Variants in GSDME observed in about 807,000 individuals in gnomAD.
The protein encoded by GSDME is gasdermin-E.
GSDME carries 44 observed loss-of-function variants against 47.5 expected under a neutral mutation model. The observed-to-expected ratio is 0.93, with a 90% CI of 0.73 to 1.19. The LOEUF is 1.19. Among genes scored for constraint, GSDME ranks in the 50% most tolerant of loss-of-function variants. The pLI is 0.00. For missense variants in GSDME, 663 were observed against 604.2 expected (o/e 1.10, Z -1.02); for synonymous variants, 258 against 252.8 (o/e 1.02, Z -0.20).
intron 3 of GSDME, among the ~76,000 whole-genome samples, chr7:24,740,162 A>T (rs973952030): frequency 6.6e-6 from 1 of 152,096 alleles, no homozygotes; most frequent in Non-Finnish European, 1.5e-5. Context: ...ATTATGTTAA[A>T]CAAAATAAAC....
Position 24,719,906 on chromosome 7 carries a change from G to C in GSDME, c.405-688C>G, listed in dbSNP as rs142234602. ...TAATCAGAGCTGAAGGATGTCAGACGTCACAGCCATGGCCCAGGGAATACA... is the reference window on the plus strand; with the variant it reads ...TAATCAGAGCTGAAGGATGTCAGACCTCACAGCCATGGCCCAGGGAATACA... On this transcript the variant is annotated intron_variant, in intron 3 of 9. Coordinates refer to ENST00000645220, the MANE Select transcript of GSDME (RefSeq NM_001127453.2). 4.5e-3 allele frequency among the ~76,000 whole-genome samples: 687 copies of C among 152,270 alleles called. 4 individuals are homozygous for C. Among genetic ancestry groups the C allele is most frequent in the African/African-American group, 0.016 (656 of 41,530 alleles).
At position 24,756,266 on chromosome 7, in the gene GSDME, T is replaced by C. The variant is rs1264910965; in HGVS notation, c.-20+1130A>G. Among the ~76,000 whole-genome samples, 1 of 152,032 alleles carries C rather than the reference T, an allele frequency of 6.6e-6. No individual in the cohort carries two copies. ...ACCTGCGGTCTCAGCTACGGGTGTA[T>C]GGGAGGATCCCTTGAGCCCAGGAAT... On this transcript the variant is annotated intron_variant, in intron 1 of 9. Transcript: ENST00000645220. This position sits in a 1 kb window ranked among gnomAD's most constrained non-coding sequence, Gnocchi z 4.2.
intron 8 of GSDME, chr7:24,703,364 G>A (rs929355658): frequency 1.1e-5 from 2 of 186,784 alleles, no homozygotes; most frequent in African/African-American, 4.7e-5. Flanking sequence ...GTGGCCTGAG[G>A]CCAGGAGCAG....
rs369607716 is a variant in GSDME, at chr7:24,751,051, C to T, written c.-19-1258G>A. On this transcript the variant is annotated intron_variant, in intron 1 of 9. Coordinates refer to ENST00000645220, the MANE Select transcript of GSDME (RefSeq NM_001127453.2). ...AAAAATAGAGAAATATTTGTACAATCGCAGGATGAGAAGGGCCTTTAGAAA... is the reference window on the plus strand; with the variant it reads ...AAAAATAGAGAAATATTTGTACAATTGCAGGATGAGAAGGGCCTTTAGAAA... 4.6e-5 allele frequency among the ~76,000 whole-genome samples: 7 copies of T among 152,048 alleles called. No homozygotes were observed. In the South Asian group the frequency reaches 1.2e-3, roughly 27 times the overall value.
chr7:24,771,447 A>C, the GSDME span, among the ~76,000 whole-genome samples: 3 of 152,208 alleles, frequency 2.0e-5, no homozygotes, highest in Non-Finnish European at 2.9e-5. This position sits in a 1 kb window ranked among gnomAD's most constrained non-coding sequence, Gnocchi z 4.1. Flanking sequence ...AAGAGAGAAA[A>C]TTCACTCAAC....
At chr7:24,707,987 G>A (rs953598458) in intron 7 of GSDME, 140 bp downstream of exon 7, 14 of 1,058,840 alleles carry the variant, frequency 1.3e-5, no homozygotes, top group African/African-American at 7.9e-5. Flanking sequence ...CTTAGAAAAC[G>A]CAGGACCCAA....
At chr7:24,713,880 C>G (rs1340763617) in intron 5 of GSDME, among the ~76,000 whole-genome samples, 1 of 152,132 alleles carries the variant, frequency 6.6e-6, no homozygotes, top group Non-Finnish European at 1.5e-5. Flanking sequence ...CTGCTTGAGC[C>G]CAGAGTTCAA....
chr7:24,699,049 C>G lies in GSDME; in HGVS notation c.1468G>C (p.Ala490Pro). ...CATCATGAATGTTCTCTGCCTAAAGCACAGAGTCCATTCAGGGTTATACAA... is the reference window on the plus strand; with the variant it reads ...CATCATGAATGTTCTCTGCCTAAAGGACAGAGTCCATTCAGGGTTATACAA... ...LLCITLNGLCALGREHS is the reference protein window; with the variant it reads ...LLCITLNGLCPLGREHS The change falls in exon 10 of 10, where the codon GCT becomes CCT. Residue 490 changes from alanine to proline, a missense_variant. Physicochemically the swap from Ala to Pro is conservative, Grantham distance 27. Transcript: ENST00000645220. 1 of 1,612,936 alleles carries G rather than the reference C, an allele frequency of 6.2e-7. No homozygotes were observed. The highest frequency in any genetic ancestry group is 8.5e-7 in the Non-Finnish European group (1 of 1,178,924).
intron 5 of GSDME, 94 bp downstream of exon 5, chr7:24,717,160 C>G (rs1416106353): frequency 2.6e-6 from 3 of 1,158,468 alleles, no homozygotes; most frequent in Non-Finnish European, 3.6e-6. Flanking sequence ...CCACAGTCTC[C>G]AAAGCAGTCG....
In GSDME at chr7:24,705,252, C is replaced by T. The variant is rs903554888; in HGVS notation, c.1183+932G>A. 1 of 152,178 alleles carries T rather than the reference C, an allele frequency of 6.6e-6. No individual in the cohort carries two copies. The highest frequency in any genetic ancestry group is 6.5e-5 in the Admixed American group (1 of 15,282). 9.4% of individuals were successfully genotyped at this position (152,178 alleles called of 1,614,324 possible). ...TGGGAGAAAGTCTCTAGTGGAGTTC[C>T]GCAGGGCTCTGTCTTATGTCCTGTT... On this transcript the variant is annotated intron_variant, in intron 8 of 9. Transcript: ENST00000645220. This position sits in a 1 kb window ranked among gnomAD's most constrained non-coding sequence, Gnocchi z 4.1.
At chr7:24,717,531 G>T (rs2128052968) in intron 4 of GSDME, among the ~76,000 whole-genome samples, 157 bp from the exon 5 acceptor site, 1 of 152,286 alleles carries the variant, frequency 6.6e-6, no homozygotes, top group South Asian at 2.1e-4. Flanking sequence ...GGGGGATGGG[G>T]GGATTCAATC....
chr7:24,740,313 G>A (rs910609876), intron 3 of GSDME, among the ~76,000 whole-genome samples: 36 of 151,918 alleles, frequency 2.4e-4, no homozygotes, highest in African/African-American at 7.3e-4. Flanking sequence ...AGGGGGATGC[G>A]AGGATAGTTA....
intron 7 of GSDME, 35 bp downstream of exon 7, chr7:24,708,092 G>T: frequency 6.2e-7 from 1 of 1,612,708 alleles, no homozygotes; most frequent in Non-Finnish European, 8.5e-7. Flanking sequence ...GAAAACCCCA[G>T]TGAAAACACT....
the GSDME span, among the ~76,000 whole-genome samples, chr7:24,771,048 T>C: frequency 6.6e-6 from 1 of 151,840 alleles, no homozygotes; most frequent in South Asian, 2.1e-4. The surrounding 1 kb of genome is among the most constrained non-coding windows in gnomAD (Gnocchi z 4.1). Context: ...CCCAGGAATA[T>C]CAGAGAACAC....
intron 3 of GSDME, among the ~76,000 whole-genome samples, chr7:24,737,719 G>A (rs2128060491): frequency 6.6e-6 from 1 of 150,974 alleles, no homozygotes; most frequent in Non-Finnish European, 1.5e-5. Flanking sequence ...ACTACAAGCA[G>A]TGATGCAAAA....
chr7:24,735,773 A>C lies in GSDME; in HGVS notation c.404+8789T>G, dbSNP rs964414727. Among the ~76,000 whole-genome samples, 33 of 108,018 alleles carry C rather than the reference A, an allele frequency of 3.1e-4. No individual in the cohort carries two copies. The South Asian group carries it at 7.8e-3, about 26-fold the overall frequency. The allele number at this position is 108,018 out of a possible 152,430, so 70.9% of individuals were successfully genotyped here. A position where few individuals can be genotyped will look rare whatever the true frequency, so the allele number is the denominator to read the frequency against. On this transcript the variant is annotated intron_variant, in intron 3 of 9. Coordinates refer to ENST00000645220, the MANE Select transcript of GSDME (RefSeq NM_001127453.2). This position sits in a 1 kb window ranked among gnomAD's most constrained non-coding sequence, Gnocchi z 4.4. ...AACTCTATCTCAAAAATAAATAAAT[A>C]AATAAATAAATAAATAAATAAATAA... is the stretch of plus-strand genomic sequence containing the variant.
the GSDME span, among the ~76,000 whole-genome samples, chr7:24,794,279 TC>T: frequency 5.6e-5 from 7 of 125,048 alleles, no homozygotes; most frequent in South Asian, 3.0e-4. Flanking sequence ...TCTCTCTCTT[TC>T]CTCTCTCTCT....
At chr7:24,785,274 G>A in the GSDME span, among the ~76,000 whole-genome samples, 1 of 152,098 alleles carries the variant, frequency 6.6e-6, no homozygotes, top group Non-Finnish European at 1.5e-5. Flanking sequence ...AAAAAAAATT[G>A]CAGATCCTTT....
the GSDME span, among the ~76,000 whole-genome samples, chr7:24,764,352 C>T: frequency 6.6e-6 from 1 of 152,202 alleles, no homozygotes; most frequent in Non-Finnish European, 1.5e-5. This position sits in a 1 kb window ranked among gnomAD's most constrained non-coding sequence, Gnocchi z 4.4. Flanking sequence ...GCTTTCGTTT[C>T]AAACTGTTGG....
Sources: allele counts gnomAD v4.1 joint callset (sites outside exome capture counted in the v4.1 genomes callset), GRCh38; gene constraint gnomAD v4.1.1; non-coding constraint Gnocchi (gnomAD v3.1); transcripts MANE v1.5; gene names NCBI Gene and HGNC (gene_info 2026-07-23, HGNC 2026-07-21).